VPS8: variants seen among roughly 807,000 people sequenced by gnomAD.
The protein encoded by VPS8 is vacuolar protein sorting-associated protein 8 homolog.
A neutral mutation model predicts 216.4 loss-of-function variants in VPS8; 129 were observed. The ratio of observed to expected loss-of-function variants is 0.60; its 90% confidence interval spans 0.52 to 0.69. The LOEUF (loss-of-function observed/expected upper bound fraction) is 0.69. Ranked by LOEUF, VPS8 falls within the 30% of genes least tolerant of loss-of-function variation. The probability of loss-of-function intolerance (pLI) is 0.00; values close to 1 mark genes in which losing one functional copy is unlikely to be tolerated. For synonymous variants in VPS8, 571 were observed against 565.4 expected (o/e 1.01, Z -0.14); for missense variants, 1,531 against 1,683.5 (o/e 0.91, Z 1.59).
chr3:185,022,808 C>T (rs546651696), intron 45 of VPS8, among the ~76,000 whole-genome samples: 1 of 152,038 alleles, frequency 6.6e-6, no homozygotes, highest in African/African-American at 2.4e-5. Flanking sequence ...TTGATTTTTG[C>T]TGCTTATTAT....
chr3:184,850,397 G>T (rs1374291683), intron 10 of VPS8, among the ~76,000 whole-genome samples: 1 of 152,282 alleles, frequency 6.6e-6, no homozygotes, highest in East Asian at 1.9e-4. Context: ...CTTTGTTTAG[G>T]TCATCAAAAT....
At chr3:184,864,948 G>GT (rs1727059113) in intron 16 of VPS8, among the ~76,000 whole-genome samples, 2 of 152,132 alleles carry the variant, frequency 1.3e-5, no homozygotes, top group Admixed American at 1.3e-4. Flanking sequence ...ATACTCTTTA[G>GT]TTAAAAAAGT....
intron 16 of VPS8, among the ~76,000 whole-genome samples, chr3:184,865,070 G>T (rs1442926653): frequency 6.6e-6 from 1 of 152,062 alleles, no homozygotes; most frequent in East Asian, 1.9e-4. Flanking sequence ...GGCAGATTAG[G>T]CAATACAGAA....
intron 37 of VPS8, among the ~76,000 whole-genome samples, chr3:184,960,659 T>G (rs1746357186): frequency 1.3e-5 from 2 of 152,206 alleles, no homozygotes; most frequent in African/African-American, 4.8e-5. Flanking sequence ...TTTGTATGCT[T>G]CAGGGACCCT....
chr3:184,867,805 T>G (rs1047636038), intron 17 of VPS8, among the ~76,000 whole-genome samples: 13 of 152,118 alleles, frequency 8.5e-5, no homozygotes, highest in Non-Finnish European at 1.5e-4. Context: ...AAGATCCCGC[T>G]GCTGCACTCC....
intron 47 of VPS8, among the ~76,000 whole-genome samples, chr3:185,050,425 C>T (rs561772148): frequency 6.6e-6 from 1 of 152,288 alleles, no homozygotes; most frequent in African/African-American, 2.4e-5. Flanking sequence ...AACTTAGGGG[C>T]CTTCAGATGT....
At chr3:185,011,113 CA>C (rs11386728) in intron 45 of VPS8, among the ~76,000 whole-genome samples, 25 of 144,922 alleles carry the variant, frequency 1.7e-4, no homozygotes, top group East Asian at 6.0e-4. Flanking sequence ...ACACAGAGTA[CA>C]AAAAAAAAAA....
chr3:184,995,352 C>CTT (rs1253727555), intron 43 of VPS8, among the ~76,000 whole-genome samples: 1 of 152,122 alleles, frequency 6.6e-6, no homozygotes, highest in African/African-American at 2.4e-5. Flanking sequence ...GTAAGAATTG[C>CTT]AGTTTGGTTA....
At chr3:184,892,989 G>T (rs1732658636) in intron 22 of VPS8, among the ~76,000 whole-genome samples, 1 of 151,734 alleles carries the variant, frequency 6.6e-6, no homozygotes, top group African/African-American at 2.4e-5. Context: ...TGTTTGTTTT[G>T]CTTGGCTAGT....
chr3:184,915,145 A>T (rs996394794), intron 27 of VPS8, 92 bp downstream of exon 27: 4 of 1,432,636 alleles, frequency 2.8e-6, no homozygotes, highest in South Asian at 1.2e-5. Context: ...CACGTGGGTC[A>T]GGAGCTATCA....
chr3:184,913,526 A>T lies in VPS8; in HGVS notation c.2154A>T (p.Gln718His). 6.3e-7 allele frequency: 1 copy of T among 1,587,968 alleles called. No homozygotes were observed. Among genetic ancestry groups the T allele is most frequent in the Non-Finnish European group, 8.6e-7 (1 of 1,167,986 alleles). Reference protein sequence around the residue: ...LNAGKTLTDEQVVMGNKLLVY... With the variant: ...LNAGKTLTDEHVVMGNKLLVY... ...CTTCTCTTTCTATTTTAGATGAACA[A>T]GTTGTTATGGGCAATAAGCTCCTTG... The change falls in exon 26 of 48, where the codon CAA (glutamine) becomes CAT (histidine). Residue 718 changes from glutamine (Q) to histidine (H), a missense_variant. By Grantham distance (24) the Gln-to-His change is conservative. This residue lies in a region of VPS8 where 1,318 missense variants were observed against 1,468.4 expected (regional missense o/e 0.90). Transcript: ENST00000625842.
chr3:184,820,995 C>T (rs971921268), intron 1 of VPS8, among the ~76,000 whole-genome samples: 13 of 152,214 alleles, frequency 8.5e-5, no homozygotes, highest in African/African-American at 2.9e-4. Context: ...ATGCTTAGCA[C>T]TGGCTAGACC....
At chr3:184,844,696 C>T (rs950154624) in intron 8 of VPS8, among the ~76,000 whole-genome samples, 15 of 151,252 alleles carry the variant, frequency 9.9e-5, no homozygotes, top group African/African-American at 3.4e-4. Flanking sequence ...GCATATTATT[C>T]TTAAGTCCAG....
chr3:184,835,773 G>A (rs937934952), intron 5 of VPS8, among the ~76,000 whole-genome samples: 6 of 144,022 alleles, frequency 4.2e-5, no homozygotes, highest in Non-Finnish European at 6.0e-5. Flanking sequence ...GCAGTGGCAC[G>A]ACCTCAGCTC....
intron 36 of VPS8, among the ~76,000 whole-genome samples, chr3:184,957,120 A>C (rs553687172): frequency 6.6e-5 from 10 of 152,346 alleles, no homozygotes; most frequent in African/African-American, 2.2e-4. Flanking sequence ...ATGATTTAGA[A>C]GAGTTTCAAC....
At chr3:184,952,357 A>G (rs1268538763) in intron 36 of VPS8, among the ~76,000 whole-genome samples, 7 of 152,190 alleles carry the variant, frequency 4.6e-5, no homozygotes, top group Non-Finnish European at 8.8e-5. Flanking sequence ...GTAGCCTACA[A>G]TTTCACTCAT....
At chr3:184,942,738 T>C (rs550070387) in intron 36 of VPS8, among the ~76,000 whole-genome samples, 1 of 152,340 alleles carries the variant, frequency 6.6e-6, no homozygotes, top group African/African-American at 2.4e-5. Flanking sequence ...TAGATTATGC[T>C]CTAAACTTAT....
chr3:184,829,447 C>T (rs1236587199), intron 3 of VPS8, among the ~76,000 whole-genome samples: 1 of 152,182 alleles, frequency 6.6e-6, no homozygotes, highest in Non-Finnish European at 1.5e-5. Context: ...AACTCCTGAC[C>T]TCAGGTGATC....
chr3:184,964,900 G>A (rs540669879), intron 38 of VPS8, among the ~76,000 whole-genome samples: 95 of 152,250 alleles, frequency 6.2e-4, no homozygotes, highest in African/African-American at 2.2e-3. Flanking sequence ...TGTGAACATG[G>A]GTGTACAAAC....
Sources: gnomAD v4.1 joint callset for allele counts (sites outside exome capture counted in the v4.1 genomes callset) on GRCh38, gnomAD v4.1.1 for gene constraint, gnomAD v4.1.1 regional missense constraint, MANE v1.5 for transcripts, NCBI Gene and HGNC (gene_info 2026-07-23, HGNC 2026-07-21) for gene names.